OCIAD1: variants seen among roughly 807,000 people sequenced by gnomAD.
OCIAD1 encodes OCIA domain containing 1, also known as OCIA domain-containing protein 1.
OCIAD1 carries 29 observed loss-of-function variants against 38.9 expected under a neutral mutation model. The ratio of observed to expected loss-of-function variants is 0.74; its 90% confidence interval spans 0.55 to 1.02. The LOEUF (loss-of-function observed/expected upper bound fraction) is 1.02, where lower values mean the gene tolerates loss of function less well. Ranked by LOEUF, OCIAD1 falls within the 50% of genes least tolerant of loss-of-function variation. The pLI, the probability that OCIAD1 is intolerant of heterozygous loss-of-function variation, is 0.00. For synonymous variants in OCIAD1, 110 were observed against 92.0 expected, an observed-to-expected ratio of 1.20 and a Z score of -1.12; for missense variants, 288 against 289.6, an observed-to-expected ratio of 0.99 and a Z score of 0.04.
At chr4:48,857,720 G>T (rs1166532454) in intron 8 of OCIAD1, among the ~76,000 whole-genome samples, 1 of 151,934 alleles carries the variant, frequency 6.6e-6, no homozygotes, top group African/African-American at 2.4e-5. Flanking sequence ...TCATCATGTT[G>T]GCCAGGATGG....
chr4:48,860,913 T>TA lies in OCIAD1; in HGVS notation c.*158dup, dbSNP rs899625592. ...TTGTGGTTTGACTTCTATGGTGTTT[T>TA]AAAAAAACACAGATTTTTAGTGTTA... On this transcript the variant is annotated 3_prime_UTR_variant, in exon 9 of 9. Transcript: ENST00000264312. The TA allele has an allele frequency of 6.1e-6, 4 of 657,126 alleles. No homozygotes were observed. The highest frequency in any genetic ancestry group is 3.7e-5 in the African/African-American group (2 of 54,224). 40.7% of individuals were successfully genotyped at this position (657,126 alleles called of 1,614,324 possible).
intron 3 of OCIAD1, among the ~76,000 whole-genome samples, chr4:48,837,588 G>A (rs1436746102): frequency 6.6e-6 from 1 of 151,596 alleles, no homozygotes; most frequent in Non-Finnish European, 1.5e-5. Context: ...ACTGTGCCTG[G>A]CCAGAATGGG....
At chr4:48,860,081 A>G (rs1780462520) in intron 8 of OCIAD1, 1 of 152,370 alleles carries the variant, frequency 6.6e-6, no homozygotes, top group African/African-American at 2.4e-5. Flanking sequence ...GACAGAAGCT[A>G]TGTGGAAGAG....
At chr4:48,830,261 C>A (rs994131426), upstream of OCIAD1, among the ~76,000 whole-genome samples, 2 of 152,168 alleles carry the variant, frequency 1.3e-5, no homozygotes, top group Non-Finnish European at 2.9e-5. Flanking sequence ...GACTGTCTCC[C>A]TTAAGTATGT....
chr4:48,832,827 A>G (rs1777636319), intron 2 of OCIAD1, 145 bp downstream of exon 2: 1 of 671,442 alleles, frequency 1.5e-6, no homozygotes, highest in South Asian at 1.7e-5. Context: ...TAGTCTTGTT[A>G]TCTTGAAATT....
At chr4:48,815,686 A>G (rs17576196) in intron 1 of OCIAD1, among the ~76,000 whole-genome samples, 38,693 of 152,062 alleles carry the variant, frequency 0.25, 5,256 homozygotes, top group Middle Eastern at 0.31. Context: ...TCTCTACTCC[A>G]CTGGCTTGGA....
chr4:48,823,489 C>A (rs1296726141), intron 1 of OCIAD1, among the ~76,000 whole-genome samples: 2 of 151,748 alleles, frequency 1.3e-5, no homozygotes, highest in Non-Finnish European at 2.9e-5. Context: ...TGCAGCAAAC[C>A]ACCATGGCAC....
At chr4:48,834,153 G>A (rs1239211946) in intron 3 of OCIAD1, among the ~76,000 whole-genome samples, 4 of 152,078 alleles carry the variant, frequency 2.6e-5, no homozygotes, top group African/African-American at 9.7e-5. Context: ...GTAAAAAGGA[G>A]GATGAATTTT....
intron 1 of OCIAD1, among the ~76,000 whole-genome samples, chr4:48,819,661 G>T (rs180991723): frequency 7.9e-6 from 1 of 125,824 alleles, no homozygotes; most frequent in Non-Finnish European, 1.6e-5. Flanking sequence ...CCCATCTCAC[G>T]TGCAAAGACA....
rs1412005448 is a variant in OCIAD1, at chr4:48,860,838, G to C, written c.*76G>C. ...GTGGTCATGATTACCTGCATGCTTTGAGCTCAGCAGCAGTCTTCATAAACA... is the reference window on the plus strand; with the variant it reads ...GTGGTCATGATTACCTGCATGCTTTCAGCTCAGCAGCAGTCTTCATAAACA... On this transcript the variant is annotated 3_prime_UTR_variant, in exon 9 of 9. Coordinates refer to ENST00000264312, the MANE Select transcript of OCIAD1 (RefSeq NM_017830.4). The C allele has an allele frequency of 5.9e-6, 6 of 1,015,178 alleles. No homozygotes were observed. The Admixed American group carries it at 9.3e-5, about 16-fold the overall frequency. 62.9% of individuals were successfully genotyped at this position (1,015,178 alleles called of 1,614,324 possible).
chr4:48,842,531 G>A (rs1778630350), intron 3 of OCIAD1, 105 bp from the exon 4 acceptor site: 3 of 717,148 alleles, frequency 4.2e-6, no homozygotes, highest in Non-Finnish European at 7.3e-6. Flanking sequence ...TCTTAGTTAT[G>A]CAATATAATT....
chr4:48,819,230 G>T (rs772275446), intron 1 of OCIAD1, among the ~76,000 whole-genome samples: 5 of 152,090 alleles, frequency 3.3e-5, no homozygotes, highest in African/African-American at 9.7e-5. Flanking sequence ...GGATCTCTCT[G>T]CAGAAACCCT....
chr4:48,859,525 A>C (rs1780413462), intron 8 of OCIAD1, among the ~76,000 whole-genome samples: 1 of 152,180 alleles, frequency 6.6e-6, no homozygotes, highest in Non-Finnish European at 1.5e-5. Context: ...TTAAGAAAGG[A>C]AATTTGGTAG....
intron 7 of OCIAD1, chr4:48,852,178 GGAA>G (rs1779544650): frequency 2.3e-6 from 1 of 442,204 alleles, no homozygotes; most frequent in Non-Finnish European, 4.0e-6. Flanking sequence ...TGCTAGACGT[GGAA>G]GAAGATGAAT....
rs921991207 is a variant in OCIAD1, at chr4:48,846,747, A to G, written c.194-1652A>G. The stretch of plus-strand genomic sequence containing the variant: ...TGGGGACAGAGCGAGACTCGTCTCA[A>G]AAAAAAAAAAAAAAGAATTGGTAGC... On this transcript the variant is annotated intron_variant, in intron 4 of 8. Transcript: ENST00000264312. Among the ~76,000 whole-genome samples, 8 of 147,374 alleles carry G rather than the reference A, an allele frequency of 5.4e-5. No individual in the cohort carries two copies. In the South Asian group the frequency reaches 8.5e-4, roughly 16 times the overall value.
At chr4:48,823,825 T>TTG (rs1777221547) in intron 1 of OCIAD1, among the ~76,000 whole-genome samples, 1 of 5,934 alleles carries the variant, frequency 1.7e-4, no homozygotes, top group Non-Finnish European at 4.9e-4. Context: ...AATGCCTGGC[T>TTG]TTTTTTTTTT....
chr4:48,861,481 G>A lies in OCIAD1; in HGVS notation c.*719G>A, dbSNP rs762688493. 19 of 152,160 alleles carry A rather than the reference G, an allele frequency of 1.2e-4. No homozygotes were observed. Among genetic ancestry groups the A allele is most frequent in the Non-Finnish European group, 2.4e-4 (16 of 68,066 alleles). The allele number at this position is 152,160 out of a possible 1,614,324, so 9.4% of individuals were successfully genotyped here. The stretch of plus-strand genomic sequence containing the variant: ...GTGGGAGGATTGCATGAGTCCAGGA[G>A]TTTGAGACCAGCCTGGGCAACAAAG... On this transcript the variant is annotated 3_prime_UTR_variant, in exon 9 of 9. Coordinates refer to ENST00000264312, the MANE Select transcript of OCIAD1 (RefSeq NM_017830.4).
Position 48,808,906 on chromosome 4 carries a change from GT to G in OCIAD1, c.-103+3578del, listed in dbSNP as rs572885983. ...GTCAGGGGTTCTACCACCCAGTACT[GT>G]TACCAAACCTGAGAGTCATTCTTGT... On this transcript the variant is annotated intron_variant, in intron 1 of 6. Coordinates refer to the OCIAD1 transcript ENST00000504654. Among the ~76,000 whole-genome samples the G allele has an allele frequency of 2.9e-3, 435 of 152,264 alleles. 1 individual carries two copies. The highest frequency in any genetic ancestry group is 0.01 in the African/African-American group (416 of 41,540).
At chr4:48,815,071 T>C (rs1777131262) in intron 1 of OCIAD1, among the ~76,000 whole-genome samples, 1 of 152,202 alleles carries the variant, frequency 6.6e-6, no homozygotes, top group Non-Finnish European at 1.5e-5. Flanking sequence ...CTCAGCACTT[T>C]GGGAGGCTGA....
Sources: allele counts gnomAD v4.1 joint callset (sites outside exome capture counted in the v4.1 genomes callset), GRCh38; gene constraint gnomAD v4.1.1; transcripts MANE v1.5; gene names NCBI Gene and HGNC (gene_info 2026-07-23, HGNC 2026-07-21).